ZNF586: variants seen among roughly 807,000 people sequenced by gnomAD.
ZNF586 encodes the protein zinc finger protein 586.
In ZNF586, 7 loss-of-function variants were observed where a neutral mutation model predicts 6.7. That is an observed-to-expected ratio of 1.04 (90% confidence interval 0.59 to 1.95). The LOEUF (loss-of-function observed/expected upper bound fraction) is 1.95. Ranked by LOEUF, ZNF586 falls within the 30% of genes most tolerant of loss-of-function variation. The probability of loss-of-function intolerance (pLI) is 0.00; values close to 1 mark genes in which losing one functional copy is unlikely to be tolerated. For synonymous variants in ZNF586, 166 were observed against 168.7 expected, an observed-to-expected ratio of 0.98 and a Z score of 0.12; for missense variants, 442 against 489.6, an observed-to-expected ratio of 0.90 and a Z score of 0.92.
chr19:57,776,894 C>CT (rs1157390251), intron 2 of ZNF586, among the ~76,000 whole-genome samples: 1 of 152,122 alleles, frequency 6.6e-6, no homozygotes, highest in Non-Finnish European at 1.5e-5. Context: ...GGTCAGGAGT[C>CT]TTAAAGTCAC....
chr19:57,773,097 T>G (rs146543026), intron 1 of ZNF586, among the ~76,000 whole-genome samples: 11 of 152,356 alleles, frequency 7.2e-5, no homozygotes, highest in African/African-American at 2.4e-4. Context: ...ATTAAGATTC[T>G]GAAATGTATT....
At chr19:57,769,999 C>G in intron 1 of ZNF586, 121 bp downstream of exon 1, 1 of 973,004 alleles carries the variant, frequency 1.0e-6, no homozygotes. Context: ...CGGAGAGGCG[C>G]CGGCGGGTGG....
intron 2 of ZNF586, among the ~76,000 whole-genome samples, chr19:57,778,059 A>C (rs1188016868): frequency 6.8e-6 from 1 of 145,988 alleles, no homozygotes; most frequent in Non-Finnish European, 1.5e-5. Context: ...CCCAGCCTCT[A>C]TGGAGTATAT....
chr19:57,779,256 A>T lies in ZNF586; in HGVS notation c.669A>T (p.Lys223Asn), dbSNP rs2122567494. ...TTGCTTATACATCTAGTCTCATTAA[A>T]CACAGGAGGATTCACACTGGAGAGA... Reference protein sequence around the residue: ...KSFAYTSSLIKHRRIHTGERP... With the variant: ...KSFAYTSSLINHRRIHTGERP... Residue 223 changes from lysine (K) to asparagine (N), a missense_variant, in exon 3 of 3, where the codon AAA (lysine) becomes AAT (asparagine). Physicochemically the swap from Lys to Asn is moderately conservative, Grantham distance 94. Coordinates refer to ENST00000396154, the MANE Select transcript of ZNF586 (RefSeq NM_017652.4). 1 of 1,614,106 alleles carries T rather than the reference A, an allele frequency of 6.2e-7. No homozygotes were observed. The highest frequency in any genetic ancestry group is 2.2e-5 in the East Asian group (1 of 44,860).
chr19:57,775,712 C>T (rs1295839915), intron 1 of ZNF586, among the ~76,000 whole-genome samples: 11 of 150,720 alleles, frequency 7.3e-5, no homozygotes, highest in African/African-American at 2.7e-4. Flanking sequence ...AAATGATTCT[C>T]CTGTCTCAGG....
rs756432634 is a variant in ZNF586, at chr19:57,779,016, T to C, written c.429T>C (p.Phe143=). The change falls in exon 3 of 3, where the codon TTT becomes TTC. Residue 143 remains phenylalanine (F), a synonymous_variant. Coordinates refer to ENST00000396154, the MANE Select transcript of ZNF586 (RefSeq NM_017652.4). The stretch of plus-strand genomic sequence containing the variant: ...CTACACTCCATATTCATGAGAGATT[T>C]CATACTGGGCAAAAGACCTATGAGT... ...QKPTLHIHER[F]HTGQKTYECS... is the part of the protein sequence containing the mutation. 1.3e-5 allele frequency: 21 copies of C among 1,613,986 alleles called. No homozygotes were observed. In the Admixed American group the frequency reaches 3.5e-4, roughly 27 times the overall value.
In ZNF586 at chr19:57,778,971, G is replaced by A. The variant is rs765174423; in HGVS notation, c.384G>A (p.Gly128=). Residue 128 remains glycine, a synonymous_variant, in exon 3 of 3, where the codon GGG becomes GGA. Transcript: ENST00000396154. ...GGCCTTATGAGTGCAGCAAATATGG[G>A]AAATTATTTCACCAAAAGCCTACAC... The part of the protein sequence containing the change: ...GERPYECSKY[G]KLFHQKPTLH... 2 of 1,613,744 alleles carry A rather than the reference G, an allele frequency of 1.2e-6. No individual in the cohort carries two copies. Among genetic ancestry groups the A allele is most frequent in the East Asian group, 4.5e-5 (2 of 44,850 alleles).
At chr19:57,772,534 A>G (rs779592793) in intron 1 of ZNF586, among the ~76,000 whole-genome samples, 39 of 150,990 alleles carry the variant, frequency 2.6e-4, no homozygotes, top group Non-Finnish European at 4.3e-4. Flanking sequence ...GACTGACTTG[A>G]TAAAAATCAG....
At chr19:57,772,477 T>G (rs1987120318) in intron 1 of ZNF586, among the ~76,000 whole-genome samples, 1 of 146,068 alleles carries the variant, frequency 6.8e-6, no homozygotes. Context: ...CCCCTTTCGA[T>G]GCCAATCACA....
In ZNF586 at chr19:57,780,126, A is replaced by C. The variant is rs1987351625; in HGVS notation, c.*330A>C. 1 of 298,430 alleles carries C rather than the reference A, an allele frequency of 3.4e-6. No individual in the cohort carries two copies. Among genetic ancestry groups the C allele is most frequent in the African/African-American group, 2.2e-5 (1 of 46,022 alleles). 18.5% of individuals were successfully genotyped at this position (298,430 alleles called of 1,614,324 possible). A position where few individuals can be genotyped will look rare whatever the true frequency, so the allele number is the denominator to read the frequency against. On this transcript the variant is annotated 3_prime_UTR_variant, in exon 3 of 3. Coordinates refer to ENST00000396154, the MANE Select transcript of ZNF586 (RefSeq NM_017652.4). ...CTGCCTAAATTGAATGTCATACATC[A>C]AATAGCTGCATACATTCCAGGTATG...
At position 57,778,812 on chromosome 19, in the gene ZNF586, A is replaced by G; in HGVS notation, c.225A>G (p.Ile75Met). 6.2e-7 allele frequency: 1 copy of G among 1,614,172 alleles called. No homozygotes were observed. The highest frequency in any genetic ancestry group is 1.1e-5 in the South Asian group (1 of 91,082). ...APSKQSTCIH[I>M]YKDQGGHSGE... ...CTAAGCAGAGCACGTGTATACATAT[A>G]TACAAAGACCAGGGAGGTCATAGTG... The change falls in exon 3 of 3, where the codon ATA (isoleucine) becomes ATG (methionine). Residue 75 changes from isoleucine (I) to methionine (M), a missense_variant. Physicochemically the swap from Ile to Met is conservative, Grantham distance 10 (BLOSUM62 1). Coordinates refer to ENST00000396154, the MANE Select transcript of ZNF586 (RefSeq NM_017652.4).
chr19:57,774,818 C>T (rs923387667), intron 1 of ZNF586: 3 of 920,172 alleles, frequency 3.3e-6, no homozygotes, highest in Admixed American at 1.2e-4. Flanking sequence ...AAGTTAAGGT[C>T]AGTATCATGT....
intron 1 of ZNF586, among the ~76,000 whole-genome samples, chr19:57,775,600 C>CTTTTTTTTT: frequency 8.1e-6 from 1 of 122,784 alleles, no homozygotes; most frequent in Non-Finnish European, 1.7e-5. Context: ...CCTGGTTGCT[C>CTTTTTTTTT]TTTTTTTTTT....
In ZNF586 at chr19:57,772,141, T is replaced by G. The variant is rs1412286012; in HGVS notation, c.36+2263T>G. Reference sequence around the variant, plus strand: ...CCAGCCTGGCAACTCAATTTTTAAATGTGAACAGTGAGAGCTTGAGAGGAT... The same window carrying G: ...CCAGCCTGGCAACTCAATTTTTAAAGGTGAACAGTGAGAGCTTGAGAGGAT... On this transcript the variant is annotated intron_variant, in intron 1 of 2. Transcript: ENST00000396154. Among the ~76,000 whole-genome samples the G allele has an allele frequency of 2.0e-5, 3 of 152,134 alleles. No individual in the cohort carries two copies. In the East Asian group the frequency reaches 5.8e-4, roughly 29 times the overall value.
At chr19:57,778,015 C>T (rs1987278552) in intron 2 of ZNF586, among the ~76,000 whole-genome samples, 1 of 151,544 alleles carries the variant, frequency 6.6e-6, no homozygotes, top group Non-Finnish European at 1.5e-5. Context: ...CTCAACTTCC[C>T]AAAGTGCTGG....
rs1259204307 is a variant in ZNF586 at position 57,776,529 on chromosome 19, C to A, written c.37-14C>A. Reference sequence around the variant, plus strand: ...AGGGGCCATTTGTGGTTTCATCTATCCCCATCATAACAGAGCAGTGTGACC... The same window carrying A: ...AGGGGCCATTTGTGGTTTCATCTATACCCATCATAACAGAGCAGTGTGACC... On this transcript the variant is annotated splice_polypyrimidine_tract_variant and intron_variant, in intron 1 of 2. Coordinates refer to ENST00000396154, the MANE Select transcript of ZNF586 (RefSeq NM_017652.4). 3.7e-6 allele frequency: 6 copies of A among 1,607,580 alleles called. No homozygotes were observed. The South Asian group carries it at 6.6e-5, about 18-fold the overall frequency.
At chr19:57,770,029 C>T (rs1331850770) in intron 1 of ZNF586, 151 bp downstream of exon 1, 2 of 740,286 alleles carry the variant, frequency 2.7e-6, no homozygotes, top group East Asian at 3.3e-5. Flanking sequence ...TTCCGACACC[C>T]AGTTGATGCG....
chr19:57,777,057 C>CCACA (rs1319756369), intron 2 of ZNF586, among the ~76,000 whole-genome samples: 1 of 152,148 alleles, frequency 6.6e-6, no homozygotes, highest in African/African-American at 2.4e-5. Context: ...TGTACATGAA[C>CCACA]CACAGCCTAT....
chr19:57,771,560 A>C (rs1169280851), intron 1 of ZNF586, among the ~76,000 whole-genome samples: 3 of 152,202 alleles, frequency 2.0e-5, no homozygotes, highest in African/African-American at 7.2e-5. Flanking sequence ...CTGTCAACTA[A>C]TGTAACACAT....
Sources: allele counts gnomAD v4.1 joint callset (sites outside exome capture counted in the v4.1 genomes callset), GRCh38; gene constraint gnomAD v4.1.1; transcripts MANE v1.5; gene names NCBI Gene and HGNC (gene_info 2026-07-23, HGNC 2026-07-21).